Variants in CACNA2D3 observed in about 807,000 individuals in gnomAD.
CACNA2D3 encodes calcium voltage-gated channel auxiliary subunit alpha2delta 3.
A neutral mutation model predicts 160.6 loss-of-function variants in CACNA2D3; 60 were observed. The observed-to-expected ratio is 0.37, with a 90% CI of 0.30 to 0.46. The LOEUF (loss-of-function observed/expected upper bound fraction) is 0.46, where lower values mean the gene tolerates loss of function less well. Ranked by LOEUF, CACNA2D3 falls within the 20% of genes least tolerant of loss-of-function variation. CACNA2D3 has a pLI of 1.00. For missense variants in CACNA2D3, 1,205 were observed against 1,365.0 expected (o/e 0.88, Z 1.85); for synonymous variants, 558 against 492.9 (o/e 1.13, Z -1.75).
intron 4 of CACNA2D3, among the ~76,000 whole-genome samples, chr3:54,461,829 T>A (rs1700510919): frequency 6.6e-6 from 1 of 152,160 alleles, no homozygotes; most frequent in Non-Finnish European, 1.5e-5. Flanking sequence ...CTTTTGAATG[T>A]GTTTGCTTTT....
chr3:54,165,679 G>T (rs1277161659), intron 2 of CACNA2D3, among the ~76,000 whole-genome samples: 1 of 151,250 alleles, frequency 6.6e-6, no homozygotes, highest in Non-Finnish European at 1.5e-5. Context: ...GGAGGCTGAG[G>T]TGGGAGGATT....
intron 2 of CACNA2D3, among the ~76,000 whole-genome samples, chr3:54,233,550 A>G (rs1011493462): frequency 6.6e-6 from 1 of 152,232 alleles, no homozygotes. Flanking sequence ...ACCATTGGAA[A>G]CACATCCAAT....
At chr3:54,544,382 G>A (rs987062768) in intron 5 of CACNA2D3, among the ~76,000 whole-genome samples, 1 of 148,620 alleles carries the variant, frequency 6.7e-6, no homozygotes, top group African/African-American at 2.5e-5. Context: ...TGATCTTACA[G>A]TGACCAAACT....
intron 27 of CACNA2D3, among the ~76,000 whole-genome samples, chr3:54,922,650 A>T (rs1470871531): frequency 6.6e-6 from 1 of 152,144 alleles, no homozygotes; most frequent in Non-Finnish European, 1.5e-5. Context: ...CCATGCAGAC[A>T]CTGTTGACTT....
At chr3:54,894,525 T>C in intron 25 of CACNA2D3, 1 of 468,770 alleles carries the variant, frequency 2.1e-6, no homozygotes, top group Non-Finnish European at 4.3e-6. Context: ...TCATCTACCA[T>C]GACTCTGGAA....
intron 27 of CACNA2D3, among the ~76,000 whole-genome samples, chr3:54,959,384 C>T (rs1322753033): frequency 3.3e-5 from 5 of 152,198 alleles, no homozygotes; most frequent in Non-Finnish European, 7.3e-5. Context: ...GTAACATGAA[C>T]CTGACAGTCA....
intron 2 of CACNA2D3, among the ~76,000 whole-genome samples, chr3:54,259,522 G>A (rs2107437649): frequency 6.6e-6 from 1 of 152,272 alleles, no homozygotes; most frequent in Middle Eastern, 3.4e-3. Context: ...TCTGCTGGAT[G>A]GAGAGCCGGA....
chr3:54,646,759 T>C (rs1699660997), intron 11 of CACNA2D3, among the ~76,000 whole-genome samples: 1 of 152,202 alleles, frequency 6.6e-6, no homozygotes, highest in South Asian at 2.1e-4. Flanking sequence ...TTATATTCCT[T>C]TGGGCATATA....
chr3:54,653,662 TGACAA>T (rs1273173276), intron 11 of CACNA2D3, among the ~76,000 whole-genome samples: 2 of 152,168 alleles, frequency 1.3e-5, no homozygotes, highest in Admixed American at 6.5e-5. Context: ...AAGAAGAACA[TGACAA>T]GACAAGTTAG....
At chr3:54,647,302 C>T (rs1410652741) in intron 11 of CACNA2D3, among the ~76,000 whole-genome samples, 2 of 152,134 alleles carry the variant, frequency 1.3e-5, no homozygotes, top group Non-Finnish European at 2.9e-5. Flanking sequence ...ACACAAGAAG[C>T]AAGGAGAAGG....
chr3:54,911,826 A>G (rs1700562421), intron 27 of CACNA2D3, among the ~76,000 whole-genome samples: 3 of 152,202 alleles, frequency 2.0e-5, no homozygotes, highest in African/African-American at 7.2e-5. Context: ...ACTCAGAGCT[A>G]AAAGCCAAAA....
intron 11 of CACNA2D3, among the ~76,000 whole-genome samples, chr3:54,648,648 A>G (rs1384788524): frequency 1.3e-5 from 2 of 152,264 alleles, no homozygotes; most frequent in African/African-American, 4.8e-5. Flanking sequence ...GCATAAAGGA[A>G]CACCTGCGGT....
Position 54,316,078 on chromosome 3 carries a change from T to G in CACNA2D3, c.205-4364T>G, listed in dbSNP as rs201690778. On this transcript the variant is annotated intron_variant, in intron 2 of 37. Coordinates refer to ENST00000474759, the MANE Select transcript of CACNA2D3 (RefSeq NM_018398.3). Reference sequence around the variant, plus strand: ...CATTGTGTATGTCCTCCTAGCAGGGTGTGTGTGTGTGTGTGTGCACGTGTG... The same window carrying G: ...CATTGTGTATGTCCTCCTAGCAGGGGGTGTGTGTGTGTGTGTGCACGTGTG... Among the ~76,000 whole-genome samples the G allele has an allele frequency of 0.011, 216 of 19,450 alleles. 1 individual carries two copies. The Middle Eastern group carries it at 0.15, about 13-fold the overall frequency. 12.8% of individuals were successfully genotyped at this position (19,450 alleles called of 152,430 possible).
At chr3:54,468,865 G>T (rs1700677656) in intron 4 of CACNA2D3, among the ~76,000 whole-genome samples, 1 of 152,162 alleles carries the variant, frequency 6.6e-6, no homozygotes. Context: ...ACTGTAGCCG[G>T]ACTGCCTCTC....
At chr3:54,181,722 T>G (rs1175866273) in intron 2 of CACNA2D3, among the ~76,000 whole-genome samples, 1 of 152,196 alleles carries the variant, frequency 6.6e-6, no homozygotes, top group Non-Finnish European at 1.5e-5. Flanking sequence ...TTTAAACAAT[T>G]CTTGCGAGCT....
At chr3:54,511,310 A>G (rs186056755) in intron 5 of CACNA2D3, among the ~76,000 whole-genome samples, 9 of 149,614 alleles carry the variant, frequency 6.0e-5, no homozygotes, top group Admixed American at 4.7e-4. Context: ...TTTCTTTTTC[A>G]CTGCACTCTC....
At chr3:54,809,609 C>T (rs139241099) in intron 13 of CACNA2D3, among the ~76,000 whole-genome samples, 1,749 of 140,666 alleles carry the variant, frequency 0.012, 37 homozygotes, top group Non-Finnish European at 0.015. Flanking sequence ...TGAGCCACCG[C>T]GCCCGGCCCC....
chr3:54,873,016 C>T (rs983739144), intron 18 of CACNA2D3, among the ~76,000 whole-genome samples: 1 of 152,002 alleles, frequency 6.6e-6, no homozygotes, highest in Admixed American at 6.5e-5. Flanking sequence ...GTTCAAATCC[C>T]GCCTTCTCTG....
chr3:54,403,906 C>G (rs1288241464), intron 4 of CACNA2D3, among the ~76,000 whole-genome samples: 1 of 152,090 alleles, frequency 6.6e-6, no homozygotes, highest in Non-Finnish European at 1.5e-5. Flanking sequence ...TGGATAAATT[C>G]TTTCTAAAAC....
Sources: gnomAD v4.1 joint callset for allele counts (sites outside exome capture counted in the v4.1 genomes callset) on GRCh38, gnomAD v4.1.1 for gene constraint, MANE v1.5 for transcripts, NCBI Gene and HGNC (gene_info 2026-07-23, HGNC 2026-07-21) for gene names.